Variants in PKP4 observed in about 807,000 individuals in gnomAD.
PKP4 encodes the protein plakophilin-4.
PKP4 carries 90 observed loss-of-function variants against 145.1 expected under a neutral mutation model. The ratio of observed to expected loss-of-function variants is 0.62; its 90% CI spans 0.52 to 0.74. The LOEUF (loss-of-function observed/expected upper bound fraction) is 0.74, where lower values mean the gene tolerates loss of function less well. Among genes scored for constraint, PKP4 ranks in the 30% least tolerant of loss-of-function variants. The pLI is 0.00. For synonymous variants in PKP4, 563 were observed against 577.2 expected (o/e 0.98, Z 0.35); for missense variants, 1,340 against 1,482.7 (o/e 0.90, Z 1.58).
At chr2:158,592,476 T>A (rs2049359724) in intron 3 of PKP4, among the ~76,000 whole-genome samples, 1 of 152,098 alleles carries the variant, frequency 6.6e-6, no homozygotes, top group Admixed American at 6.6e-5. Flanking sequence ...TGTCCATGAA[T>A]CAAGAGCTGA....
chr2:158,621,185 T>C lies in PKP4; in HGVS notation c.413-46T>C, dbSNP rs200298360. 1.9e-6 allele frequency: 3 copies of C among 1,613,106 alleles called. No individual in the cohort carries two copies. In the East Asian group the frequency reaches 6.7e-5, roughly 36 times the overall value. ...AAGATTTTATTCTTGAAAGCGAGTG[T>C]CAGAAGTGTGTATAATAAAGATATT... On this transcript the variant is annotated intron_variant, in intron 5 of 21. Coordinates refer to ENST00000389759, the MANE Select transcript of PKP4 (RefSeq NM_003628.6).
chr2:158,591,237 A>G (rs1485556275), intron 3 of PKP4, among the ~76,000 whole-genome samples: 1 of 152,064 alleles, frequency 6.6e-6, no homozygotes, highest in Non-Finnish European at 1.5e-5. Flanking sequence ...TAAACCACCC[A>G]ACTGTTTTTA....
intron 2 of PKP4, among the ~76,000 whole-genome samples, chr2:158,572,627 G>C (rs1366656711): frequency 6.6e-6 from 1 of 152,188 alleles, no homozygotes; most frequent in Non-Finnish European, 1.5e-5. Context: ...GCTAAAACTG[G>C]TAAGAAATCT....
intron 3 of PKP4, among the ~76,000 whole-genome samples, chr2:158,589,331 G>T (rs1422774577): frequency 2.0e-5 from 3 of 152,242 alleles, no homozygotes; most frequent in Non-Finnish European, 4.4e-5. Flanking sequence ...TTCCCCTAAA[G>T]ATAGTGTTTT....
At chr2:158,590,144 C>T (rs1020033030) in intron 3 of PKP4, among the ~76,000 whole-genome samples, 2 of 151,868 alleles carry the variant, frequency 1.3e-5, no homozygotes, top group African/African-American at 4.8e-5. Flanking sequence ...TGTGTTACTC[C>T]ACAATTAAAT....
chr2:158,609,389 A>C (rs987429049), intron 4 of PKP4, among the ~76,000 whole-genome samples: 3 of 152,232 alleles, frequency 2.0e-5, no homozygotes, highest in Admixed American at 2.0e-4. Context: ...GGGTCTTGAC[A>C]AAAGCAACCT....
At chr2:158,535,860 A>G (rs762852597) in intron 2 of PKP4, among the ~76,000 whole-genome samples, 1 of 152,194 alleles carries the variant, frequency 6.6e-6, no homozygotes, top group East Asian at 1.9e-4. Context: ...AAGGGACCCT[A>G]TCAATGCAAC....
chr2:158,663,427 C>G lies in PKP4; in HGVS notation c.2559C>G (p.Leu853=), dbSNP rs1357702926. Residue 853 remains leucine, a synonymous_variant, in exon 15 of 22, where the codon CTC becomes CTG. Transcript: ENST00000389759. ...GCTCTGCAGGGTCTCTCCAGAACCT[C>G]TCTGCTGGCAACTGGAAGGTAGGAT... ...LEGSAGSLQN[L]SAGNWKFAAY... The G allele has an allele frequency of 6.2e-7, 1 of 1,611,716 alleles. No individual in the cohort carries two copies. Among genetic ancestry groups the G allele is most frequent in the Non-Finnish European group, 8.5e-7 (1 of 1,179,438 alleles).
At chr2:158,670,900 T>C (rs2057498439) in intron 17 of PKP4, among the ~76,000 whole-genome samples, 1 of 152,168 alleles carries the variant, frequency 6.6e-6, no homozygotes, top group Non-Finnish European at 1.5e-5. Flanking sequence ...TAAGTTTGCC[T>C]TAGTATCAGA....
chr2:158,560,033 A>AT (rs2046388450), intron 2 of PKP4, among the ~76,000 whole-genome samples: 1 of 151,974 alleles, frequency 6.6e-6, no homozygotes, highest in Non-Finnish European at 1.5e-5. Flanking sequence ...CGCCTGGCTA[A>AT]TTTTTGTATT....
chr2:158,507,652 C>G (rs143468763), intron 1 of PKP4, among the ~76,000 whole-genome samples: 244 of 152,218 alleles, frequency 1.6e-3, no homozygotes, highest in Non-Finnish European at 2.1e-3. Flanking sequence ...AATTTCAGTT[C>G]TTTTGTGACC....
intron 2 of PKP4, among the ~76,000 whole-genome samples, chr2:158,543,061 C>T (rs1421645032): frequency 6.6e-6 from 1 of 152,134 alleles, no homozygotes; most frequent in Non-Finnish European, 1.5e-5. Flanking sequence ...GGTCACTGAA[C>T]ATTTCATCTC....
At chr2:158,561,236 G>A (rs973310920) in intron 2 of PKP4, among the ~76,000 whole-genome samples, 2 of 152,160 alleles carry the variant, frequency 1.3e-5, no homozygotes, top group African/African-American at 4.8e-5. Context: ...ACACAGACCT[G>A]TGCTATGGTC....
intron 1 of PKP4, among the ~76,000 whole-genome samples, chr2:158,483,456 A>C (rs1438053729): frequency 6.6e-6 from 1 of 151,304 alleles, no homozygotes; most frequent in Middle Eastern, 3.2e-3. Context: ...AACTTTGATG[A>C]TCTTATATAA....
chr2:158,606,756 AATTT>A (rs1437383132), intron 4 of PKP4, among the ~76,000 whole-genome samples: 1 of 152,192 alleles, frequency 6.6e-6, no homozygotes, highest in African/African-American at 2.4e-5. Flanking sequence ...ATGCATAATT[AATTT>A]ATTTCTGAAA....
rs77216913 is a variant in PKP4 at position 158,624,214 on chromosome 2, T to G, written c.604-664T>G. ...GGCTAAAGTGAGAAGCTATGCTTGA[T>G]CTAAAGGAATCAACAAATTTGCCTA... On this transcript the variant is annotated intron_variant, in intron 6 of 21. Coordinates refer to ENST00000389759, the MANE Select transcript of PKP4 (RefSeq NM_003628.6). 2.8e-3 allele frequency among the ~76,000 whole-genome samples: 420 copies of G among 152,280 alleles called. 3 individuals are homozygous for G. The highest frequency in any genetic ancestry group is 9.7e-3 in the African/African-American group (403 of 41,566).
chr2:158,676,780 G>A lies in PKP4; in HGVS notation c.3169G>A (p.Asp1057Asn). The change falls in exon 20 of 22, where the codon GAC (aspartate) becomes AAC (asparagine). Residue 1057 changes from aspartate (D) to asparagine (N), a missense_variant. Physicochemically the swap from Asp to Asn is conservative, Grantham distance 23. Coordinates refer to ENST00000389759, the MANE Select transcript of PKP4 (RefSeq NM_003628.6). Reference protein sequence around the residue: ...SSSPALLGIRDPRSEYDRTQP... With the variant: ...SSSPALLGIRNPRSEYDRTQP... Reference sequence around the variant, plus strand: ...CTCACCAGCACTGTTAGGAATCAGAGACCCTCGCTCTGAATACGATAGGAC... The same window carrying A: ...CTCACCAGCACTGTTAGGAATCAGAAACCCTCGCTCTGAATACGATAGGAC... The A allele has an allele frequency of 6.2e-7, 1 of 1,614,112 alleles. No individual in the cohort carries two copies. The highest frequency in any genetic ancestry group is 8.5e-7 in the Non-Finnish European group (1 of 1,180,002).
At chr2:158,618,596 G>A (rs945724618) in intron 4 of PKP4, among the ~76,000 whole-genome samples, 1 of 152,124 alleles carries the variant, frequency 6.6e-6, no homozygotes, top group African/African-American at 2.4e-5. Context: ...TTTCTCTAAG[G>A]TTATTTATTT....
intron 1 of PKP4, among the ~76,000 whole-genome samples, chr2:158,499,586 CT>C (rs1379098384): frequency 2.0e-5 from 3 of 152,198 alleles, no homozygotes; most frequent in Non-Finnish European, 4.4e-5. Flanking sequence ...CCTGTGTCCA[CT>C]GGCCTGGAGG....
Sources: allele counts gnomAD v4.1 joint callset (sites outside exome capture counted in the v4.1 genomes callset), GRCh38; gene constraint gnomAD v4.1.1; transcripts MANE v1.5; gene names NCBI Gene and HGNC (gene_info 2026-07-23, HGNC 2026-07-21).